The following ZDHHC17 variants were observed in gnomAD, a reference collection of about 807,000 sequenced individuals.
The protein encoded by ZDHHC17 is palmitoyltransferase ZDHHC17.
A neutral mutation model predicts 90.3 loss-of-function variants in ZDHHC17; 40 were observed. The ratio of observed to expected loss-of-function variants is 0.44; its 90% confidence interval spans 0.34 to 0.58. The LOEUF is 0.58. Among genes scored for constraint, ZDHHC17 ranks in the 20% least tolerant of loss-of-function variants. The probability of loss-of-function intolerance (pLI) is 0.01; values close to 1 mark genes in which losing one functional copy is unlikely to be tolerated. For synonymous variants in ZDHHC17, 235 were observed against 252.4 expected, an observed-to-expected ratio of 0.93 and a Z score of 0.65; for missense variants, 614 against 780.8, an observed-to-expected ratio of 0.79 and a Z score of 2.55.
chr12:76,792,017 A>G (rs1952765007), intron 1 of ZDHHC17, among the ~76,000 whole-genome samples: 1 of 151,992 alleles, frequency 6.6e-6, no homozygotes, highest in African/African-American at 2.4e-5. Flanking sequence ...CAATCCAGAA[A>G]CTCGTCAAAT....
intron 1 of ZDHHC17, among the ~76,000 whole-genome samples, chr12:76,796,895 T>G (rs528755784): frequency 6.6e-6 from 1 of 152,356 alleles, no homozygotes; most frequent in Non-Finnish European, 1.5e-5. Context: ...TGTTACTTGT[T>G]TCTAATCTTA....
chr12:76,828,747 C>T (rs1030068484), intron 10 of ZDHHC17, among the ~76,000 whole-genome samples: 126 of 152,270 alleles, frequency 8.3e-4, no homozygotes, highest in African/African-American at 2.9e-3. Flanking sequence ...TTTGACTACT[C>T]ATTTAATCCA....
intron 7 of ZDHHC17, among the ~76,000 whole-genome samples, chr12:76,816,612 G>A (rs1312633864): frequency 6.6e-6 from 1 of 151,956 alleles, no homozygotes; most frequent in African/African-American, 2.4e-5. Context: ...TAAGGGATAT[G>A]TGCTAATTAA....
Position 76,764,167 on chromosome 12 carries a change from G to GCTCGCGCTCGC in ZDHHC17, c.-68_-58dup, listed in dbSNP as rs1952395402. 6 of 1,258,880 alleles carry GCTCGCGCTCGC rather than the reference G, an allele frequency of 4.8e-6. No homozygotes were observed. Among genetic ancestry groups the GCTCGCGCTCGC allele is most frequent in the Non-Finnish European group, 5.4e-6 (5 of 930,440 alleles). 78.0% of individuals were successfully genotyped at this position (1,258,880 alleles called of 1,614,324 possible). ...GGAGGCCCGCGTCGCCTCCGGCGGG[G>GCTCGCGCTCGC]CTCGCGCTCGCCCCGCGCTCGCCCT... is the stretch of plus-strand genomic sequence containing the variant. On this transcript the variant is annotated 5_prime_UTR_variant, in exon 1 of 17. Coordinates refer to ENST00000426126, the MANE Select transcript of ZDHHC17 (RefSeq NM_015336.4).
intron 10 of ZDHHC17, among the ~76,000 whole-genome samples, chr12:76,831,217 A>G (rs570828641): frequency 6.6e-6 from 1 of 152,332 alleles, no homozygotes; most frequent in South Asian, 2.1e-4. Flanking sequence ...GACATGTAAA[A>G]AGTGCTAAAT....
rs1257734700 is a variant in ZDHHC17, at chr12:76,853,507, G to A, written c.*2522G>A. 2 of 152,134 alleles carry A rather than the reference G, an allele frequency of 1.3e-5. No homozygotes were observed. The highest frequency in any genetic ancestry group is 6.6e-5 in the Admixed American group (1 of 15,230). The allele number at this position is 152,134 out of a possible 1,614,324, so 9.4% of individuals were successfully genotyped here. A position where few individuals can be genotyped will look rare whatever the true frequency, so the allele number is the denominator to read the frequency against. Reference sequence around the variant, plus strand: ...TTAATGGGCGTAAAACAGCATCATTGTACTTAAGCTATGGATGTTTTTATT... The same window carrying A: ...TTAATGGGCGTAAAACAGCATCATTATACTTAAGCTATGGATGTTTTTATT... On this transcript the variant is annotated 3_prime_UTR_variant, in exon 17 of 17. Transcript: ENST00000426126.
At chr12:76,765,356 T>G (rs773504753) in intron 1 of ZDHHC17, among the ~76,000 whole-genome samples, 5 of 152,232 alleles carry the variant, frequency 3.3e-5, no homozygotes, top group Non-Finnish European at 7.3e-5. Context: ...CCTTTTATGT[T>G]GCATGTTAAC....
chr12:76,839,950 T>C (rs181993874), intron 10 of ZDHHC17: 3 of 152,372 alleles, frequency 2.0e-5, no homozygotes, highest in East Asian at 1.9e-4. Flanking sequence ...TTGAGCACTT[T>C]GGCGAGGCCG....
At chr12:76,806,537 A>G (rs76684278) in intron 3 of ZDHHC17, among the ~76,000 whole-genome samples, 1 of 152,082 alleles carries the variant, frequency 6.6e-6, no homozygotes, top group Non-Finnish European at 1.5e-5. Flanking sequence ...ATGCCCAGCT[A>G]ATTTTTTTTA....
At chr12:76,845,638 A>G (rs1341458160) in intron 12 of ZDHHC17, 71 bp from the exon 13 acceptor site, 3 of 484,596 alleles carry the variant, frequency 6.2e-6, no homozygotes, top group Non-Finnish European at 1.0e-5. Flanking sequence ...TTATATTTTG[A>G]GAAAATAAAT....
At chr12:76,804,185 C>T (rs2137755072) in intron 2 of ZDHHC17, among the ~76,000 whole-genome samples, 1 of 152,318 alleles carries the variant, frequency 6.6e-6, no homozygotes, top group South Asian at 2.1e-4. Flanking sequence ...GTCCTTACAT[C>T]TCTCATAATT....
chr12:76,802,609 T>G (rs1369066426), intron 2 of ZDHHC17, among the ~76,000 whole-genome samples: 1 of 152,232 alleles, frequency 6.6e-6, no homozygotes, highest in Non-Finnish European at 1.5e-5. Context: ...CTGTCTTCAC[T>G]TTCCTTCGGT....
At chr12:76,804,027 C>G (rs986685841) in intron 2 of ZDHHC17, among the ~76,000 whole-genome samples, 1 of 152,178 alleles carries the variant, frequency 6.6e-6, no homozygotes, top group Non-Finnish European at 1.5e-5. Context: ...TTATTCCCAA[C>G]AATACTCTCC....
At chr12:76,832,509 T>G (rs1443574170) in intron 10 of ZDHHC17, among the ~76,000 whole-genome samples, 3 of 152,262 alleles carry the variant, frequency 2.0e-5, no homozygotes, top group Non-Finnish European at 4.4e-5. Flanking sequence ...TATGTGGCTC[T>G]GGTCACAACA....
At chr12:76,765,682 T>A (rs1178340449) in intron 1 of ZDHHC17, among the ~76,000 whole-genome samples, 1 of 152,232 alleles carries the variant, frequency 6.6e-6, no homozygotes, top group Non-Finnish European at 1.5e-5. Context: ...CGTGAAAGTA[T>A]TTCAAACACT....
In ZDHHC17 at chr12:76,852,089, A is replaced by G. The variant is rs747795355; in HGVS notation, c.*1104A>G. Reference sequence around the variant, plus strand: ...ATTTCAGTTTATCCAATATTGAGTAAGTTCTGAAACAGTTTTAGAAAAAAT... The same window carrying G: ...ATTTCAGTTTATCCAATATTGAGTAGGTTCTGAAACAGTTTTAGAAAAAAT... On this transcript the variant is annotated 3_prime_UTR_variant, in exon 17 of 17. Coordinates refer to ENST00000426126, the MANE Select transcript of ZDHHC17 (RefSeq NM_015336.4). The G allele has an allele frequency of 2.0e-5, 3 of 152,684 alleles. No homozygotes were observed. The South Asian group carries it at 6.2e-4, about 32-fold the overall frequency. 9.5% of individuals were successfully genotyped at this position (152,684 alleles called of 1,614,324 possible). A position where few individuals can be genotyped will look rare whatever the true frequency, so the allele number is the denominator to read the frequency against.
intron 1 of ZDHHC17, among the ~76,000 whole-genome samples, chr12:76,766,389 C>T (rs556204003): frequency 6.6e-6 from 1 of 152,296 alleles, no homozygotes; most frequent in Non-Finnish European, 1.5e-5. Flanking sequence ...GTTCTGCTGC[C>T]TCCTAGCAGT....
intron 1 of ZDHHC17, among the ~76,000 whole-genome samples, chr12:76,796,470 G>A (rs918412980): frequency 1.3e-5 from 2 of 152,076 alleles, no homozygotes; most frequent in East Asian, 3.9e-4. Flanking sequence ...TTGAATAGAT[G>A]TAATATTCTT....
chr12:76,835,095 G>A (rs1220094929), intron 10 of ZDHHC17, among the ~76,000 whole-genome samples: 4 of 149,108 alleles, frequency 2.7e-5, no homozygotes, highest in African/African-American at 9.9e-5. Context: ...GTGTTGCCCA[G>A]GCTGGAGTGC....
Sources: gnomAD v4.1 joint callset for allele counts (sites outside exome capture counted in the v4.1 genomes callset) on GRCh38, gnomAD v4.1.1 for gene constraint, MANE v1.5 for transcripts, NCBI Gene and HGNC (gene_info 2026-07-23, HGNC 2026-07-21) for gene names.